CFAP53: variants seen among roughly 807,000 people sequenced by gnomAD.
CFAP53 encodes cilia- and flagella-associated protein 53.
Under a neutral mutation model 59.7 loss-of-function variants are expected in CFAP53, and 62 were observed. The observed-to-expected ratio is 1.04, with a 90% CI of 0.85 to 1.28. The LOEUF is 1.28. Among genes scored for constraint, CFAP53 ranks in the 50% most tolerant of loss-of-function variants. The pLI, the probability that CFAP53 is intolerant of heterozygous loss-of-function variation, is 0.00. For synonymous variants in CFAP53, 218 were observed against 205.7 expected (o/e 1.06, Z -0.51); for missense variants, 629 against 615.6 (o/e 1.02, Z -0.23).
rs548989445 is a variant in CFAP53, at chr18:50,261,382, G to GT, written c.300-146dup. ...TCCACAGAATAAGACTGGTTGGTTT[G>GT]TTTTTTTGTTTTTGTTTTTGTTTTT... On this transcript the variant is annotated intron_variant, in intron 2 of 7. Transcript: ENST00000398545. The GT allele has an allele frequency of 7.0e-4, 686 of 985,858 alleles. 3 individuals are homozygous for GT. In the African/African-American group the frequency reaches 0.01, roughly 15 times the overall value. 61.1% of individuals were successfully genotyped at this position (985,858 alleles called of 1,614,324 possible). A position where few individuals can be genotyped will look rare whatever the true frequency, so the allele number is the denominator to read the frequency against.
intron 5 of CFAP53, among the ~76,000 whole-genome samples, chr18:50,245,977 G>C (rs141943795): frequency 1.3e-5 from 2 of 152,098 alleles, no homozygotes; most frequent in Non-Finnish European, 2.9e-5. Context: ...TGCAACGTCC[G>C]CCTCCCGGAT....
At chr18:50,250,196 G>A (rs1379047442) in intron 5 of CFAP53, among the ~76,000 whole-genome samples, 1 of 64,632 alleles carries the variant, frequency 1.5e-5, no homozygotes, top group Non-Finnish European at 3.6e-5. Context: ...TCCAGCCTGG[G>A]TTACAGCGTG....
At chr18:50,263,603 T>A (rs567619111) in intron 1 of CFAP53, among the ~76,000 whole-genome samples, 17 of 152,318 alleles carry the variant, frequency 1.1e-4, no homozygotes, top group African/African-American at 3.8e-4. Context: ...GCTAATTAGA[T>A]GACTGTTCTC....
chr18:50,234,598 T>A (rs1255201052), intron 7 of CFAP53, among the ~76,000 whole-genome samples: 1 of 152,208 alleles, frequency 6.6e-6, no homozygotes, highest in Non-Finnish European at 1.5e-5. Flanking sequence ...TGGGCTCTTC[T>A]TTTTGTGTGG....
intron 3 of CFAP53, chr18:50,256,064 T>C (rs569827312): frequency 1.2e-4 from 18 of 152,384 alleles, no homozygotes; most frequent in African/African-American, 4.3e-4. Context: ...TACTATAGGA[T>C]ACATTCGTTT....
chr18:50,251,000 T>C, intron 4 of CFAP53, 24 bp from the exon 5 acceptor site: 1 of 1,585,784 alleles, frequency 6.3e-7, no homozygotes, highest in Non-Finnish European at 8.7e-7. Context: ...ATAATAAAGA[T>C]AATGCATCAG....
intron 5 of CFAP53, among the ~76,000 whole-genome samples, chr18:50,249,907 T>C (rs986908866): frequency 1.3e-5 from 2 of 152,140 alleles, no homozygotes; most frequent in Non-Finnish European, 1.5e-5. Context: ...TAAAACTGCA[T>C]GTGAATCTAC....
chr18:50,257,832 C>T (rs1217561472), intron 3 of CFAP53, among the ~76,000 whole-genome samples: 1 of 152,150 alleles, frequency 6.6e-6, no homozygotes, highest in East Asian at 1.9e-4. Context: ...GAGTTCGACA[C>T]CAGCCTGGGC....
At chr18:50,245,157 T>C (rs1013667849) in intron 5 of CFAP53, among the ~76,000 whole-genome samples, 1 of 135,378 alleles carries the variant, frequency 7.4e-6, no homozygotes, top group African/African-American at 2.8e-5. Flanking sequence ...CCGAGGCGGG[T>C]GGATCATGAG....
chr18:50,246,054 TA>T (rs2033741164), intron 5 of CFAP53, among the ~76,000 whole-genome samples: 1 of 152,050 alleles, frequency 6.6e-6, no homozygotes, highest in South Asian at 2.1e-4. Context: ...CATGCCTGGC[TA>T]ATTTTTGTAT....
In CFAP53 at chr18:50,228,641, T is replaced by A. The variant is rs182289637; in HGVS notation, c.1317-1032A>T. ...CTCCGTCTCTACTAAAAATACAAAA[T>A]TTAGCTGGGCATGGTGGTACATGCC... is the stretch of plus-strand genomic sequence containing the variant. On this transcript the variant is annotated intron_variant, in intron 7 of 7. Coordinates refer to ENST00000398545, the MANE Select transcript of CFAP53 (RefSeq NM_145020.5). Among the ~76,000 whole-genome samples, 1,163 of 151,384 alleles carry A rather than the reference T, an allele frequency of 7.7e-3. 26 individuals are homozygous for A. Among genetic ancestry groups the A allele is most frequent in the East Asian group, 0.076 (386 of 5,096 alleles).
At chr18:50,241,071 G>A (rs535211097) in intron 6 of CFAP53, among the ~76,000 whole-genome samples, 53 of 152,302 alleles carry the variant, frequency 3.5e-4, no homozygotes, top group African/African-American at 1.2e-3. Context: ...CATCTCGCAG[G>A]GCTGACACTA....
intron 3 of CFAP53, among the ~76,000 whole-genome samples, chr18:50,259,400 C>G (rs1434661733): frequency 3.3e-5 from 4 of 119,696 alleles, no homozygotes; most frequent in Non-Finnish European, 6.5e-5. Flanking sequence ...ATCTAAAAAT[C>G]AAAACAATTG....
At chr18:50,234,404 T>C (rs2033610883) in intron 7 of CFAP53, among the ~76,000 whole-genome samples, 1 of 152,184 alleles carries the variant, frequency 6.6e-6, no homozygotes, top group Admixed American at 6.5e-5. Flanking sequence ...CCCACATTCA[T>C]ATAACACAAG....
In CFAP53 at chr18:50,262,198, G is replaced by A. The variant is rs1224443489; in HGVS notation, c.91C>T (p.Gln31Ter). 3.7e-6 allele frequency: 6 copies of A among 1,613,762 alleles called. No individual in the cohort carries two copies. Among genetic ancestry groups the A allele is most frequent in the Non-Finnish European group, 5.1e-6 (6 of 1,179,836 alleles). Residue 31 changes from glutamine to a stop codon, truncating the protein, a stop_gained, in exon 2 of 8, where the codon CAA (glutamine) becomes TAA (stop). Transcript: ENST00000398545. LOFTEE classifies it high-confidence loss of function. ...CTTTCTAGATGGTGCTCAGCTCCTT[G>A]GCCTTTAGGAGGCTTGGATCTCTGA... ...VIVRSKPPKG[Q>*]GAEHHLERIR...
rs765155677 is a variant in CFAP53 at position 50,251,466 on chromosome 18, A to G, written c.777+15T>C. 6.8e-6 allele frequency: 11 copies of G among 1,605,926 alleles called. No individual in the cohort carries two copies. Among genetic ancestry groups the G allele is most frequent in the Non-Finnish European group, 8.5e-6 (10 of 1,176,930 alleles). On this transcript the variant is annotated intron_variant, in intron 4 of 7. Transcript: ENST00000398545. ...TGGCGTTGATCACCCTCTAACAAGC[A>G]TTTTAAAGGCCCACCACAAGGCGTG...
chr18:50,244,549 C>G (rs1183421172), intron 5 of CFAP53, among the ~76,000 whole-genome samples: 1 of 152,082 alleles, frequency 6.6e-6, no homozygotes, highest in Non-Finnish European at 1.5e-5. Flanking sequence ...CTAAAAAGAA[C>G]CAACAATCCT....
In CFAP53 at chr18:50,240,123, C is replaced by T. The variant is rs1437152336; in HGVS notation, c.1214-1418G>A. ...CCCTGACTCATTCAAATTACCTGCT[C>T]CACTCTGACTCATTCTGATCATCTG... On this transcript the variant is annotated intron_variant, in intron 6 of 7. Transcript: ENST00000398545. 2.6e-5 allele frequency among the ~76,000 whole-genome samples: 4 copies of T among 152,180 alleles called. No homozygotes were observed. In the East Asian group the frequency reaches 5.8e-4, roughly 22 times the overall value.
Position 50,266,317 on chromosome 18 carries a change from A to G in CFAP53, c.69+19T>C. On this transcript the variant is annotated intron_variant, in intron 1 of 7. Coordinates refer to ENST00000398545, the MANE Select transcript of CFAP53 (RefSeq NM_145020.5). ...GATGGAGAAAGCTGTAGGGTCTGGC[A>G]GACATATCCTGTGCTTACCACGATC... 1 of 1,613,114 alleles carries G rather than the reference A, an allele frequency of 6.2e-7. No individual in the cohort carries two copies. Among genetic ancestry groups the G allele is most frequent in the Non-Finnish European group, 8.5e-7 (1 of 1,178,982 alleles).
Sources: gnomAD v4.1 joint callset for allele counts (sites outside exome capture counted in the v4.1 genomes callset) on GRCh38, gnomAD v4.1.1 for gene constraint, MANE v1.5 for transcripts, NCBI Gene and HGNC (gene_info 2026-07-23, HGNC 2026-07-21) for gene names.